PLS1: variants seen among roughly 807,000 people sequenced by gnomAD.
PLS1 encodes plastin 1.
PLS1 carries 32 observed loss-of-function variants against 73.7 expected under a neutral mutation model. The ratio of observed to expected loss-of-function variants is 0.43; its 90% confidence interval spans 0.33 to 0.58. The LOEUF is 0.58. PLS1 is among the 20% of genes least tolerant of loss of function. PLS1 has a pLI of 0.04. For synonymous variants in PLS1, 217 were observed against 261.3 expected (o/e 0.83, Z 1.63); for missense variants, 633 against 740.5 (o/e 0.85, Z 1.68).
chr3:142,675,333 T>C (rs1165844914), intron 4 of PLS1, among the ~76,000 whole-genome samples: 4 of 152,206 alleles, frequency 2.6e-5, no homozygotes, highest in Admixed American at 6.5e-5. Flanking sequence ...ATTTAAGATA[T>C]ATACCTTCAT....
chr3:142,666,538 C>G (rs754330588), intron 2 of PLS1, among the ~76,000 whole-genome samples: 15 of 152,110 alleles, frequency 9.9e-5, no homozygotes, highest in Non-Finnish European at 2.2e-4. Flanking sequence ...TTTTGCTTAT[C>G]CATTCATCCA....
At chr3:142,699,712 C>T (rs2038286667) in intron 12 of PLS1, among the ~76,000 whole-genome samples, 1 of 152,048 alleles carries the variant, frequency 6.6e-6, no homozygotes, top group African/African-American at 2.4e-5. Context: ...GAGATGTATT[C>T]AAAAGGGACT....
intron 10 of PLS1, among the ~76,000 whole-genome samples, chr3:142,693,832 C>G (rs2038136980): frequency 6.6e-6 from 1 of 152,052 alleles, no homozygotes; most frequent in African/African-American, 2.4e-5. Context: ...ATCTGTCTTT[C>G]TCTTATCAAC....
At position 142,599,178 on chromosome 3, in the gene PLS1, G is replaced by GAATGAATA. The variant is rs368006727; in HGVS notation, c.-37+2672_-37+2673insGAATAAAT. 2.3e-3 allele frequency among the ~76,000 whole-genome samples: 344 copies of GAATGAATA among 147,060 alleles called. 3 individuals are homozygous for GAATGAATA. The highest frequency in any genetic ancestry group is 8.4e-3 in the South Asian group (39 of 4,650). On this transcript the variant is annotated intron_variant, in intron 1 of 15. Coordinates refer to ENST00000457734, the MANE Select transcript of PLS1 (RefSeq NM_001145319.2). ...CTCAATAGTTATTACATGAATGAAT[G>GAATGAATA]AATAAATAAATAAATAAATAAATAA...
intron 1 of PLS1, among the ~76,000 whole-genome samples, chr3:142,610,441 TA>T (rs2036099549): frequency 6.6e-6 from 1 of 152,214 alleles, no homozygotes; most frequent in South Asian, 2.1e-4. Context: ...GGATCATACT[TA>T]AATATAGCAG....
At chr3:142,669,680 GA>G (rs2037564049) in intron 3 of PLS1, 127 bp downstream of exon 3, 1 of 549,690 alleles carries the variant, frequency 1.8e-6, no homozygotes, top group African/African-American at 2.4e-5. Flanking sequence ...AAATGATGAT[GA>G]TGATGATGAC....
intron 1 of PLS1, among the ~76,000 whole-genome samples, chr3:142,605,597 C>G (rs1010576742): frequency 1.3e-5 from 2 of 152,202 alleles, no homozygotes; most frequent in African/African-American, 2.4e-5. Flanking sequence ...TCTCGAACTC[C>G]TGACCTCATG....
At chr3:142,612,898 G>A (rs1003372882) in intron 1 of PLS1, among the ~76,000 whole-genome samples, 4 of 151,952 alleles carry the variant, frequency 2.6e-5, no homozygotes, top group Admixed American at 6.6e-5. Context: ...CTGAGTAGCC[G>A]GGATTACAGG....
chr3:142,630,147 C>T (rs1403525856), intron 1 of PLS1, among the ~76,000 whole-genome samples: 1 of 152,126 alleles, frequency 6.6e-6, no homozygotes, highest in Admixed American at 6.5e-5. Flanking sequence ...TTTGGCCTGG[C>T]AAGGTGGCTC....
At chr3:142,650,829 G>C (rs965474114) in intron 1 of PLS1, among the ~76,000 whole-genome samples, 1 of 152,216 alleles carries the variant, frequency 6.6e-6, no homozygotes, top group Non-Finnish European at 1.5e-5. Flanking sequence ...CAGAGAGCCA[G>C]AGAAGGCCTA....
At chr3:142,657,924 T>C (rs927875900) in intron 1 of PLS1, among the ~76,000 whole-genome samples, 1 of 152,220 alleles carries the variant, frequency 6.6e-6, no homozygotes, top group African/African-American at 2.4e-5. Flanking sequence ...TGGTAAAATT[T>C]CCCCTGTTCA....
At chr3:142,709,641 C>T (rs888353774) in intron 14 of PLS1, among the ~76,000 whole-genome samples, 1 of 151,996 alleles carries the variant, frequency 6.6e-6, no homozygotes, top group Non-Finnish European at 1.5e-5. Context: ...ACGGCGAAAC[C>T]CCATCTCTAC....
chr3:142,691,311 A>G (rs1560071828), intron 10 of PLS1, among the ~76,000 whole-genome samples: 1 of 152,144 alleles, frequency 6.6e-6, no homozygotes, highest in African/African-American at 2.4e-5. Context: ...TAGACAAAAA[A>G]TGTAGATTTT....
intron 1 of PLS1, among the ~76,000 whole-genome samples, chr3:142,632,320 T>C (rs112492743): frequency 3.0e-3 from 460 of 152,248 alleles, no homozygotes; most frequent in Non-Finnish European, 5.4e-3. Context: ...TGACTGTAAG[T>C]TGAAGAACAT....
At chr3:142,642,509 T>G (rs1181278057) in intron 1 of PLS1, among the ~76,000 whole-genome samples, 1 of 152,238 alleles carries the variant, frequency 6.6e-6, no homozygotes, top group Non-Finnish European at 1.5e-5. Context: ...TTTGAGGCTT[T>G]TGAATCCATT....
chr3:142,641,229 TA>T (rs1440844237), intron 1 of PLS1, among the ~76,000 whole-genome samples: 18 of 145,574 alleles, frequency 1.2e-4, no homozygotes, highest in African/African-American at 4.3e-4. Context: ...TAGATATATA[TA>T]ATATCTATAT....
At chr3:142,602,613 A>G (rs1382655999) in intron 1 of PLS1, among the ~76,000 whole-genome samples, 2 of 149,658 alleles carry the variant, frequency 1.3e-5, no homozygotes, top group Non-Finnish European at 3.0e-5. Flanking sequence ...CCCCCACCCC[A>G]TAGGCCCCAG....
At chr3:142,695,615 GAAT>G (rs1266662834) in intron 11 of PLS1, among the ~76,000 whole-genome samples, 1 of 152,182 alleles carries the variant, frequency 6.6e-6, no homozygotes, top group East Asian at 1.9e-4. Flanking sequence ...CAAGAAAAAA[GAAT>G]AACAGGTCTA....
intron 1 of PLS1, among the ~76,000 whole-genome samples, chr3:142,626,896 A>G (rs1415530823): frequency 6.6e-6 from 1 of 152,236 alleles, no homozygotes; most frequent in African/African-American, 2.4e-5. Context: ...AACATCACAA[A>G]TGCTGGAAGT....
Sources: gnomAD v4.1 joint callset for allele counts (sites outside exome capture counted in the v4.1 genomes callset) on GRCh38, gnomAD v4.1.1 for gene constraint, MANE v1.5 for transcripts, NCBI Gene and HGNC (gene_info 2026-07-23, HGNC 2026-07-21) for gene names.